Variants in STAU1 observed in about 807,000 individuals in gnomAD.
STAU1 encodes the protein staufen double-stranded RNA binding protein 1.
Under a neutral mutation model 62.9 loss-of-function variants are expected in STAU1, and 13 were observed. That is an observed-to-expected ratio of 0.21 (90% CI 0.13 to 0.33). The LOEUF (loss-of-function observed/expected upper bound fraction) is 0.33. Among genes scored for constraint, STAU1 ranks in the 10% least tolerant of loss-of-function variants. STAU1 has a pLI of 1.00. For missense variants in STAU1, 571 were observed against 712.1 expected (o/e 0.80, Z 2.25); for synonymous variants, 269 against 265.1 (o/e 1.01, Z -0.14).
In STAU1 at chr20:49,153,245, G is replaced by A. The variant is rs1241922218; in HGVS notation, c.344+688C>T. Among the ~76,000 whole-genome samples the A allele has an allele frequency of 2.5e-4, 29 of 115,248 alleles. 1 individual carries two copies. The highest frequency in any genetic ancestry group is 1.2e-3 in the South Asian group (4 of 3,314). The allele number at this position is 115,248 out of a possible 152,430, so 75.6% of individuals were successfully genotyped here. ...AGCCTGGGCAACAGAGCGAGACTCC[G>A]TCTCAGAAAAAAAAAAAAAAAAAGA... On this transcript the variant is annotated intron_variant, in intron 4 of 13. Coordinates refer to ENST00000371856, the MANE Select transcript of STAU1 (RefSeq NM_017453.4).
rs1361039387 is a variant in STAU1, at chr20:49,114,012, T to G, written c.*866A>C. ...GTTTAAAATTCCTAAATTGTCCAATTTATACAACTGTGGGAGACTTATTCA... is the reference window on the plus strand; with the variant it reads ...GTTTAAAATTCCTAAATTGTCCAATGTATACAACTGTGGGAGACTTATTCA... On this transcript the variant is annotated 3_prime_UTR_variant, in exon 14 of 14. Coordinates refer to ENST00000371856, the MANE Select transcript of STAU1 (RefSeq NM_017453.4). The G allele has an allele frequency of 6.6e-6, 1 of 152,628 alleles. No homozygotes were observed. The highest frequency in any genetic ancestry group is 1.5e-5 in the Non-Finnish European group (1 of 68,040). 9.5% of individuals were successfully genotyped at this position (152,628 alleles called of 1,614,324 possible). A position where few individuals can be genotyped will look rare whatever the true frequency, so the allele number is the denominator to read the frequency against.
chr20:49,191,573 T>C (rs540737423), upstream of STAU1, among the ~76,000 whole-genome samples: 5 of 152,198 alleles, frequency 3.3e-5, no homozygotes, highest in African/African-American at 9.6e-5. Context: ...CGCAAGTCCC[T>C]AAGAAACAGG....
At chr20:49,171,790 T>C (rs1202494032) in intron 2 of STAU1, among the ~76,000 whole-genome samples, 1 of 152,090 alleles carries the variant, frequency 6.6e-6, no homozygotes, top group Non-Finnish European at 1.5e-5. Context: ...ACTATCGTCT[T>C]ATAGGATCAT....
chr20:49,207,868 G>A, the STAU1 span, among the ~76,000 whole-genome samples: 1 of 151,874 alleles, frequency 6.6e-6, no homozygotes, highest in East Asian at 1.9e-4. Flanking sequence ...GGGGTTGTAA[G>A]TGACCAAGAT....
At chr20:49,124,678 G>T (rs1328040437) in intron 6 of STAU1, 91 bp from the exon 7 acceptor site, 4 of 1,357,656 alleles carry the variant, frequency 2.9e-6, no homozygotes, top group Non-Finnish European at 4.2e-6. Context: ...ACAGACACAG[G>T]GAAGGGGAAC....
the STAU1 span, among the ~76,000 whole-genome samples, chr20:49,201,832 G>C: frequency 2.0e-5 from 3 of 151,880 alleles, no homozygotes; most frequent in African/African-American, 7.3e-5. Context: ...ATTTGGAGAT[G>C]CAGCTAAAGA....
chr20:49,180,218 A>G (rs2093706055), intron 1 of STAU1, among the ~76,000 whole-genome samples: 2 of 152,258 alleles, frequency 1.3e-5, no homozygotes, highest in South Asian at 2.1e-4. Flanking sequence ...CCTATCCTAT[A>G]AAGTTAATTG....
rs532030241 is a variant in STAU1 at position 49,115,979 on chromosome 20, T to C, written c.1633-112A>G. 5 of 769,252 alleles carry C rather than the reference T, an allele frequency of 6.5e-6. No individual in the cohort carries two copies. The African/African-American group carries it at 8.7e-5, about 13-fold the overall frequency. 47.7% of individuals were successfully genotyped at this position (769,252 alleles called of 1,614,324 possible). A position where few individuals can be genotyped will look rare whatever the true frequency, so the allele number is the denominator to read the frequency against. On this transcript the variant is annotated intron_variant, in intron 12 of 13. Transcript: ENST00000371856. ...TGCTGCCCAGCAAACAGGTGGCAAC[T>C]TCTTCAACTCTGGTACTACTAAATA... is the stretch of plus-strand genomic sequence containing the variant.
At chr20:49,154,175 C>T (rs940111767) in intron 3 of STAU1, 104 bp from the exon 4 acceptor site, 2 of 1,263,918 alleles carry the variant, frequency 1.6e-6, no homozygotes, top group East Asian at 4.9e-5. Flanking sequence ...ATTCATGATA[C>T]TTTACATAAA....
At chr20:49,153,660 G>A (rs1202467264) in intron 4 of STAU1, among the ~76,000 whole-genome samples, 1 of 134,490 alleles carries the variant, frequency 7.4e-6, no homozygotes, top group Non-Finnish European at 1.5e-5. Flanking sequence ...ACAGTGAGCC[G>A]AGACTGCACC....
In STAU1 at chr20:49,136,761, G is replaced by A. The variant is rs572827909; in HGVS notation, c.511-830C>T. ...TGCCCAGGATGGAGTGCAGTGGCGC[G>A]ATTTTGGCTCACTGCTACCTCCACC... On this transcript the variant is annotated intron_variant, in intron 5 of 13. Transcript: ENST00000371856. Among the ~76,000 whole-genome samples, 24 of 152,082 alleles carry A rather than the reference G, an allele frequency of 1.6e-4. No individual in the cohort carries two copies. In the East Asian group the frequency reaches 4.4e-3, roughly 28 times the overall value.
At chr20:49,203,420 GA>G in the STAU1 span, among the ~76,000 whole-genome samples, 1 of 152,116 alleles carries the variant, frequency 6.6e-6, no homozygotes, top group African/African-American at 2.4e-5. Context: ...TCTCTTTGAG[GA>G]GGGAAAATCA....
At chr20:49,146,978 T>TC (rs1283367264) in intron 5 of STAU1, among the ~76,000 whole-genome samples, 1 of 152,164 alleles carries the variant, frequency 6.6e-6, no homozygotes, top group African/African-American at 2.4e-5. Context: ...TGAGTAAAAC[T>TC]CATACTTCAT....
chr20:49,217,079 G>A, the STAU1 span, among the ~76,000 whole-genome samples: 1 of 152,156 alleles, frequency 6.6e-6, no homozygotes, highest in Non-Finnish European at 1.5e-5. Flanking sequence ...ATGAGGCGCT[G>A]CTCAGCGTTG....
intron 1 of STAU1, among the ~76,000 whole-genome samples, chr20:49,178,049 C>T (rs1383125604): frequency 3.3e-5 from 5 of 152,012 alleles, no homozygotes; most frequent in Non-Finnish European, 7.4e-5. Flanking sequence ...TGATGGCATG[C>T]ACCTGTAGTC....
At chr20:49,158,144 T>G (rs1252023567) in intron 3 of STAU1, among the ~76,000 whole-genome samples, 1 of 151,728 alleles carries the variant, frequency 6.6e-6, no homozygotes, top group Admixed American at 6.6e-5. Context: ...TAGCCACGTG[T>G]GGTAGTACGT....
chr20:49,148,289 G>C (rs927407280), intron 5 of STAU1, among the ~76,000 whole-genome samples: 3 of 152,146 alleles, frequency 2.0e-5, no homozygotes, highest in Non-Finnish European at 4.4e-5. Flanking sequence ...ACGTGTCGCA[G>C]TCAAAACAGT....
rs1414450271 is a variant in STAU1 at position 49,183,306 on chromosome 20, T to C, written c.-160+4810A>G. Reference sequence around the variant, plus strand: ...TCTTATTTGAGAGGGGAGGAATTTATATTTCCTCAAATTGAACAATTCTGT... The same window carrying C: ...TCTTATTTGAGAGGGGAGGAATTTACATTTCCTCAAATTGAACAATTCTGT... On this transcript the variant is annotated intron_variant, in intron 1 of 13. Coordinates refer to ENST00000371856, the MANE Select transcript of STAU1 (RefSeq NM_017453.4). Among the ~76,000 whole-genome samples, 4 of 152,236 alleles carry C rather than the reference T, an allele frequency of 2.6e-5. No homozygotes were observed. The South Asian group carries it at 8.3e-4, about 31-fold the overall frequency.
the STAU1 span, among the ~76,000 whole-genome samples, chr20:49,202,713 C>A: frequency 6.6e-6 from 1 of 151,124 alleles, no homozygotes; most frequent in South Asian, 2.1e-4. Flanking sequence ...CGTAGGGAAA[C>A]CATGTCTCTA....
Sources: gnomAD v4.1 joint callset for allele counts (sites outside exome capture counted in the v4.1 genomes callset) on GRCh38, gnomAD v4.1.1 for gene constraint, MANE v1.5 for transcripts, NCBI Gene and HGNC (gene_info 2026-07-23, HGNC 2026-07-21) for gene names.